NRXN1: variants seen among roughly 807,000 people sequenced by gnomAD.
The protein encoded by NRXN1 is neurexin-1.
Under a neutral mutation model 150.9 loss-of-function variants are expected in NRXN1, and 39 were observed. That is an observed-to-expected ratio of 0.26 (90% CI 0.20 to 0.34). NRXN1 has a LOEUF of 0.34. NRXN1 is among the 10% of genes least tolerant of loss of function. The pLI is 1.00. For missense variants in NRXN1, 1,815 were observed against 1,949.9 expected, an observed-to-expected ratio of 0.93 and a Z score of 1.30; for synonymous variants, 924 against 757.0, an observed-to-expected ratio of 1.22 and a Z score of -3.62.
intron 21 of NRXN1, among the ~76,000 whole-genome samples, chr2:49,966,975 G>T (rs1677075242): frequency 6.6e-6 from 1 of 152,090 alleles, no homozygotes; most frequent in South Asian, 2.1e-4. Context: ...ATATTTGATT[G>T]AATGTTTCCA....
intron 5 of NRXN1, among the ~76,000 whole-genome samples, chr2:50,692,865 T>C (rs1287990588): frequency 6.6e-6 from 1 of 152,188 alleles, no homozygotes; most frequent in African/African-American, 2.4e-5. Context: ...AAAATGTTCA[T>C]TTTGTGACTA....
At chr2:50,609,008 G>A (rs981523223) in intron 8 of NRXN1, among the ~76,000 whole-genome samples, 11 of 151,986 alleles carry the variant, frequency 7.2e-5, no homozygotes, top group African/African-American at 2.7e-4. Context: ...TTAGATAGTG[G>A]ATGTCATCAT....
At chr2:50,820,603 G>C (rs949242081) in intron 5 of NRXN1, among the ~76,000 whole-genome samples, 2 of 152,108 alleles carry the variant, frequency 1.3e-5, no homozygotes, top group Non-Finnish European at 2.9e-5. Flanking sequence ...ACCTATTCTT[G>C]TTTGCCGTCT....
chr2:50,311,154 T>G (rs1448741157), intron 17 of NRXN1, among the ~76,000 whole-genome samples: 2 of 152,094 alleles, frequency 1.3e-5, no homozygotes, highest in African/African-American at 4.8e-5. Context: ...ATATAATACA[T>G]GCTTACAAAA....
chr2:50,865,692 TG>T (rs1375806934), intron 5 of NRXN1, among the ~76,000 whole-genome samples: 1 of 106,074 alleles, frequency 9.4e-6, no homozygotes, highest in Non-Finnish European at 1.8e-5. Flanking sequence ...TTTTTGGTGG[TG>T]GGGGTAGTAG....
chr2:50,463,586 T>G (rs1460823022), intron 17 of NRXN1, among the ~76,000 whole-genome samples: 1 of 151,828 alleles, frequency 6.6e-6, no homozygotes, highest in African/African-American at 2.4e-5. Flanking sequence ...TCACCAGTAC[T>G]ATCACCCAAG....
chr2:50,815,179 T>C (rs980165678), intron 5 of NRXN1, among the ~76,000 whole-genome samples: 1 of 152,106 alleles, frequency 6.6e-6, no homozygotes, highest in African/African-American at 2.4e-5. Flanking sequence ...TTCCTTCTCA[T>C]GACAACAAAA....
chr2:50,446,317 A>C (rs2086396697), intron 17 of NRXN1, among the ~76,000 whole-genome samples: 1 of 151,938 alleles, frequency 6.6e-6, no homozygotes. Context: ...TAGTAAAGTT[A>C]ACTCCTTACT....
chr2:50,130,731 C>A (rs777666671), intron 18 of NRXN1, among the ~76,000 whole-genome samples: 5 of 152,074 alleles, frequency 3.3e-5, no homozygotes, highest in Non-Finnish European at 7.4e-5. Context: ...CATTATTAAC[C>A]ATTTATATGT....
At chr2:50,626,517 G>T (rs184270086) in intron 5 of NRXN1, among the ~76,000 whole-genome samples, 64 of 152,046 alleles carry the variant, frequency 4.2e-4, no homozygotes, top group Middle Eastern at 3.4e-3. Flanking sequence ...TCAGATAAGT[G>T]TGCAAAAGAT....
intron 18 of NRXN1, among the ~76,000 whole-genome samples, chr2:50,222,351 A>G (rs1368048549): frequency 6.6e-6 from 1 of 152,032 alleles, no homozygotes; most frequent in Non-Finnish European, 1.5e-5. Flanking sequence ...TAAATACACC[A>G]GAAAGAAAAT....
intron 17 of NRXN1, among the ~76,000 whole-genome samples, chr2:50,339,664 A>T (rs2077423446): frequency 6.6e-6 from 1 of 152,184 alleles, no homozygotes; most frequent in Non-Finnish European, 1.5e-5. Flanking sequence ...TTTTTAGTAT[A>T]GTGGTTACTA....
At chr2:50,299,978 G>A (rs1280306865) in intron 17 of NRXN1, among the ~76,000 whole-genome samples, 2 of 152,152 alleles carry the variant, frequency 1.3e-5, no homozygotes, top group African/African-American at 2.4e-5. Flanking sequence ...TTCTAGAACA[G>A]AGCCTATCAA....
chr2:50,967,995 C>A (rs977910598), intron 2 of NRXN1, among the ~76,000 whole-genome samples: 13 of 151,868 alleles, frequency 8.6e-5, no homozygotes, highest in African/African-American at 3.1e-4. Context: ...TCGGGGCTAA[C>A]TTTTTATTTT....
intron 5 of NRXN1, among the ~76,000 whole-genome samples, chr2:50,693,895 C>T (rs1010198205): frequency 6.6e-6 from 1 of 152,116 alleles, no homozygotes; most frequent in East Asian, 1.9e-4. Context: ...GGCATCATGT[C>T]CCCCTTTTAC....
At chr2:50,397,212 C>A (rs980202719) in intron 17 of NRXN1, among the ~76,000 whole-genome samples, 1 of 151,966 alleles carries the variant, frequency 6.6e-6, no homozygotes, top group African/African-American at 2.4e-5. Flanking sequence ...TAGTTAACAC[C>A]GCAAAGGACA....
intron 17 of NRXN1, among the ~76,000 whole-genome samples, chr2:50,431,298 GTTT>G (rs1354680571): frequency 6.6e-6 from 1 of 152,040 alleles, no homozygotes; most frequent in Non-Finnish European, 1.5e-5. Flanking sequence ...GACATCCTAG[GTTT>G]TTCCTAAATG....
intron 18 of NRXN1, among the ~76,000 whole-genome samples, chr2:50,204,314 T>A (rs1222965653): frequency 6.6e-6 from 1 of 151,160 alleles, no homozygotes; most frequent in Non-Finnish European, 1.5e-5. Context: ...AAAATAAAGT[T>A]ATTTGAAATA....
chr2:50,153,133 T>C (rs556144376), intron 18 of NRXN1, among the ~76,000 whole-genome samples: 1 of 151,860 alleles, frequency 6.6e-6, no homozygotes, highest in East Asian at 1.9e-4. Flanking sequence ...TTCCCTCTAG[T>C]AAATTTTTCA....
Sources: allele counts gnomAD v4.1 joint callset (sites outside exome capture counted in the v4.1 genomes callset), GRCh38; gene constraint gnomAD v4.1.1; transcripts MANE v1.5; gene names NCBI Gene and HGNC (gene_info 2026-07-23, HGNC 2026-07-21).